The following CSTA variants were observed in gnomAD, a reference collection of about 807,000 sequenced individuals.
The protein encoded by CSTA is cystatin-A.
Under a neutral mutation model 9.2 loss-of-function variants are expected in CSTA, and 9 were observed. That is an observed-to-expected ratio of 0.97 (90% CI 0.59 to 1.70). The LOEUF (loss-of-function observed/expected upper bound fraction) is 1.70, where lower values mean the gene tolerates loss of function less well. Among genes scored for constraint, CSTA ranks in the 40% most tolerant of loss-of-function variants. The pLI is 0.00. For synonymous variants in CSTA, 36 were observed against 40.6 expected, an observed-to-expected ratio of 0.89 and a Z score of 0.43; for missense variants, 118 against 113.1, an observed-to-expected ratio of 1.04 and a Z score of -0.20.
intron 2 of CSTA, among the ~76,000 whole-genome samples, chr3:122,340,197 A>G (rs2075258117): frequency 6.6e-6 from 1 of 152,238 alleles, no homozygotes; most frequent in Non-Finnish European, 1.5e-5. Flanking sequence ...GCAAGAACCA[A>G]AGTAAAAATT....
chr3:122,330,793 G>A (rs2075199838), intron 1 of CSTA, among the ~76,000 whole-genome samples: 1 of 152,090 alleles, frequency 6.6e-6, no homozygotes, highest in Non-Finnish European at 1.5e-5. Context: ...GGGTAGCAGG[G>A]ACATAAAATA....
At chr3:122,336,637 G>C (rs2075238591) in intron 1 of CSTA, among the ~76,000 whole-genome samples, 1 of 152,104 alleles carries the variant, frequency 6.6e-6, no homozygotes, top group Admixed American at 6.6e-5. Context: ...TAAAATTCAT[G>C]TATGAAAGTA....
rs1288608818 is a variant in CSTA at position 122,325,300 on chromosome 3, C to T, written c.8C>T (p.Pro3Leu). The T allele has an allele frequency of 3.1e-6, 5 of 1,613,476 alleles. No individual in the cohort carries two copies. Among genetic ancestry groups the T allele is most frequent in the Middle Eastern group, 1.7e-4 (1 of 5,918 alleles). The change falls in exon 1 of 3, where the codon CCT becomes CTT. Residue 3 changes from proline (P) to leucine (L), a missense_variant. Coordinates refer to ENST00000264474, the MANE Select transcript of CSTA (RefSeq NM_005213.4). MIPGGLSEAKPAT... is the reference protein window; with the variant it reads MILGGLSEAKPAT... Reference sequence around the variant, plus strand: ...AAGAAGCAATCAGCCAAAATGATACCTGGAGGCTTATCTGAGGCCAAACCC... The same window carrying T: ...AAGAAGCAATCAGCCAAAATGATACTTGGAGGCTTATCTGAGGCCAAACCC...
At position 122,341,337 on chromosome 3, in the gene CSTA, G is replaced by T; in HGVS notation, c.169-102G>T. The T allele has an allele frequency of 7.0e-6, 9 of 1,282,950 alleles. No individual in the cohort carries two copies. In the South Asian group the frequency reaches 9.6e-5, roughly 14 times the overall value. The allele number at this position is 1,282,950 out of a possible 1,614,324, so 79.5% of individuals were successfully genotyped here. ...GGTCTAGCAATGCTGTTCCTCAGCAGCTTTTTGGACAGAAGTCTTTGTAGA... is the reference window on the plus strand; with the variant it reads ...GGTCTAGCAATGCTGTTCCTCAGCATCTTTTTGGACAGAAGTCTTTGTAGA... On this transcript the variant is annotated intron_variant, in intron 2 of 2. Transcript: ENST00000264474.
intron 1 of CSTA, among the ~76,000 whole-genome samples, chr3:122,329,625 G>T (rs1431099626): frequency 6.6e-6 from 1 of 152,104 alleles, no homozygotes; most frequent in Admixed American, 6.5e-5. Context: ...TTCATAGTAG[G>T]TGCATTTCTT....
intron 2 of CSTA, among the ~76,000 whole-genome samples, chr3:122,338,843 CAT>C (rs1180130925): frequency 9.9e-5 from 15 of 152,168 alleles, no homozygotes; most frequent in African/African-American, 3.6e-4. Context: ...TACCAGCTCA[CAT>C]GTTTCTTCAA....
At chr3:122,339,771 C>G (rs2107668968) in intron 2 of CSTA, among the ~76,000 whole-genome samples, 1 of 152,334 alleles carries the variant, frequency 6.6e-6, no homozygotes, top group Admixed American at 6.5e-5. Context: ...AGGAGGATCA[C>G]TTGAGCCGAG....
chr3:122,326,659 A>T (rs903865047), intron 1 of CSTA, among the ~76,000 whole-genome samples: 2 of 152,180 alleles, frequency 1.3e-5, no homozygotes, highest in Admixed American at 1.3e-4. Context: ...TTCTTTTTTT[A>T]AATAAATATC....
At chr3:122,340,244 A>G (rs2075258744) in intron 2 of CSTA, among the ~76,000 whole-genome samples, 3 of 152,180 alleles carry the variant, frequency 2.0e-5, no homozygotes, top group South Asian at 4.1e-4. Context: ...TTCATGTCCA[A>G]ACTACTGCTT....
chr3:122,328,841 T>C (rs900977939), intron 1 of CSTA, among the ~76,000 whole-genome samples: 2 of 151,398 alleles, frequency 1.3e-5, no homozygotes, highest in African/African-American at 2.4e-5. Flanking sequence ...CTCAGGAGGC[T>C]GAGGCAGGAG....
Position 122,337,619 on chromosome 3 carries a change from GT to G in CSTA, c.141del (p.Val48LeufsTer20), listed in dbSNP as rs758375986. On this transcript the variant is annotated frameshift_variant, in exon 2 of 3. Transcript: ENST00000264474. LOFTEE classifies it low-confidence loss of function (END_TRUNC). ...GGAAGCTGTGCAGTATAAAACTCAA[GT>G]TGTTGCTGGAACAAATTACTACATT... Reference protein sequence around the residue: ...KLEAVQYKTQVVAGTNYYIKV... With the variant: ...KLEAVQYKTQXVAGTNYYIKV... 1 of 1,612,626 alleles carries G rather than the reference GT, an allele frequency of 6.2e-7. No homozygotes were observed. The highest frequency in any genetic ancestry group is 1.7e-5 in the Admixed American group (1 of 60,010).
chr3:122,333,543 G>GAAAGA, intron 1 of CSTA, among the ~76,000 whole-genome samples: 1 of 25,822 alleles, frequency 3.9e-5, no homozygotes, highest in Non-Finnish European at 8.3e-5. Flanking sequence ...AAAGAAAGAA[G>GAAAGA]AAAGAAAGAA....
At chr3:122,328,205 G>A (rs2075181489) in intron 1 of CSTA, among the ~76,000 whole-genome samples, 1 of 152,148 alleles carries the variant, frequency 6.6e-6, no homozygotes, top group Non-Finnish European at 1.5e-5. Flanking sequence ...AAGAGATTAA[G>A]AGTCACTTAA....
intron 1 of CSTA, among the ~76,000 whole-genome samples, chr3:122,337,133 C>T (rs9817571): frequency 0.14 from 20,548 of 152,010 alleles, 1,775 homozygotes; most frequent in East Asian, 0.44. Flanking sequence ...TTATGTAAAA[C>T]GGCAAAATTA....
intron 2 of CSTA, 71 bp from the exon 3 acceptor site, chr3:122,341,368 G>T (rs1253126778): frequency 6.5e-7 from 1 of 1,547,488 alleles, no homozygotes; most frequent in East Asian, 2.2e-5. Context: ...GTAGACCTGT[G>T]GCTCTCTCAC....
At chr3:122,331,108 C>A (rs1431662742) in intron 1 of CSTA, among the ~76,000 whole-genome samples, 3 of 82,414 alleles carry the variant, frequency 3.6e-5, no homozygotes, top group African/African-American at 1.2e-4. Flanking sequence ...ACAACAAACA[C>A]ACACACACAC....
chr3:122,341,417 C>G, intron 2 of CSTA, 22 bp from the exon 3 acceptor site: 2 of 1,613,238 alleles, frequency 1.2e-6, no homozygotes, highest in Non-Finnish European at 1.7e-6. Flanking sequence ...CTTTTGCTTT[C>G]TCTTTCTTTA....
intron 1 of CSTA, among the ~76,000 whole-genome samples, chr3:122,336,820 A>T (rs1270982139): frequency 6.6e-6 from 1 of 152,232 alleles, no homozygotes; most frequent in Non-Finnish European, 1.5e-5. Flanking sequence ...CGTTTGTGCT[A>T]TCCTTACAAA....
rs759594270 is a variant in CSTA, at chr3:122,341,867, G to C, written c.*300G>C. The C allele has an allele frequency of 2.4e-5, 9 of 369,840 alleles. No individual in the cohort carries two copies. Among genetic ancestry groups the C allele is most frequent in the Non-Finnish European group, 4.1e-5 (8 of 195,770 alleles). The allele number at this position is 369,840 out of a possible 1,614,324, so 22.9% of individuals were successfully genotyped here. A position where few individuals can be genotyped will look rare whatever the true frequency, so the allele number is the denominator to read the frequency against. On this transcript the variant is annotated 3_prime_UTR_variant, in exon 3 of 3. Coordinates refer to ENST00000264474, the MANE Select transcript of CSTA (RefSeq NM_005213.4). ...ACCCCCACCATAGGCAGGCTGGATC[G>C]TGGACTATCAATTCACCAGCCTCCT... is the stretch of plus-strand genomic sequence containing the variant.
Sources: gnomAD v4.1 joint callset for allele counts (sites outside exome capture counted in the v4.1 genomes callset) on GRCh38, gnomAD v4.1.1 for gene constraint, MANE v1.5 for transcripts, NCBI Gene and HGNC (gene_info 2026-07-23, HGNC 2026-07-21) for gene names.